The following BARD1 variants were observed in gnomAD, a reference collection of about 807,000 sequenced individuals.
BARD1 encodes BRCA1-associated RING domain protein 1.
Under a neutral mutation model 77.0 loss-of-function variants are expected in BARD1, and 73 were observed. That is an observed-to-expected ratio of 0.95 (90% CI 0.79 to 1.15). The LOEUF (loss-of-function observed/expected upper bound fraction) is 1.15. Among genes scored for constraint, BARD1 ranks in the 50% most tolerant of loss-of-function variants. BARD1 has a pLI of 0.00. For synonymous variants in BARD1, 384 were observed against 338.0 expected (o/e 1.14, Z -1.49); for missense variants, 993 against 938.8 (o/e 1.06, Z -0.75).
intron 3 of BARD1, among the ~76,000 whole-genome samples, chr2:214,783,245 CTA>C (rs1313504464): frequency 6.6e-6 from 1 of 152,226 alleles, no homozygotes; most frequent in East Asian, 1.9e-4. Context: ...CAGCTCAAGC[CTA>C]TGTTATTCAA....
At position 214,809,414 on chromosome 2, in the gene BARD1, A is replaced by C. The variant is rs771809792; in HGVS notation, c.156T>G (p.Arg52=). ...CCCCCAAGAAGCTCCGTCTTTACCA[A>C]CGCGAGCAGCGCAGCAGCTTCTCCA... The part of the protein sequence containing the change: ...DRLEKLLRCS[R]CTNILREPVC... Residue 52 remains arginine (R), a splice_region_variant and synonymous_variant, in exon 1 of 11, where the codon CGT becomes CGG. Transcript: ENST00000260947. 1 of 1,612,272 alleles carries C rather than the reference A, an allele frequency of 6.2e-7. No individual in the cohort carries two copies. The highest frequency in any genetic ancestry group is 8.5e-7 in the Non-Finnish European group (1 of 1,179,774).
intron 3 of BARD1, among the ~76,000 whole-genome samples, chr2:214,789,142 C>T (rs967383955): frequency 6.6e-6 from 1 of 152,038 alleles, no homozygotes; most frequent in African/African-American, 2.4e-5. Context: ...AAGATACTAC[C>T]ATTATAATTT....
chr2:214,805,558 A>G (rs993081010), intron 1 of BARD1, among the ~76,000 whole-genome samples: 4 of 152,202 alleles, frequency 2.6e-5, no homozygotes, highest in African/African-American at 7.2e-5. Flanking sequence ...CATAACAGAC[A>G]CAGCTCAAGG....
At chr2:214,758,383 A>G (rs562019681) in intron 6 of BARD1, among the ~76,000 whole-genome samples, 34 of 152,214 alleles carry the variant, frequency 2.2e-4, no homozygotes, top group Non-Finnish European at 4.1e-4. Flanking sequence ...AACTGCCATT[A>G]TATTACTGTA....
At chr2:214,797,373 G>A (rs1695808486) in intron 1 of BARD1, among the ~76,000 whole-genome samples, 1 of 152,136 alleles carries the variant, frequency 6.6e-6, no homozygotes, top group African/African-American at 2.4e-5. Context: ...CTAGAAAGTT[G>A]GAGAAAGGAA....
intron 3 of BARD1, among the ~76,000 whole-genome samples, chr2:214,786,663 G>A (rs1695290070): frequency 6.6e-6 from 1 of 151,982 alleles, no homozygotes; most frequent in Non-Finnish European, 1.5e-5. Context: ...CTACTCCAAA[G>A]TGTACCATCA....
At chr2:214,802,329 A>G (rs930003120) in intron 1 of BARD1, among the ~76,000 whole-genome samples, 4 of 152,172 alleles carry the variant, frequency 2.6e-5, no homozygotes, top group African/African-American at 9.7e-5. Flanking sequence ...TAGATGATTT[A>G]ACCCAACTGG....
In BARD1 at chr2:214,781,514, CAGAAAAAA is replaced by C; in HGVS notation, c.365-13_365-6del. The C allele has an allele frequency of 6.2e-7, 1 of 1,600,444 alleles. No homozygotes were observed. Among genetic ancestry groups the C allele is most frequent in the Non-Finnish European group, 8.5e-7 (1 of 1,172,542 alleles). ...TAGGTTTATCTTCTTTCAAATCTGACAGAAAAAAAGAAAAAGAAATCTGTTACATGAAA... is the reference window on the plus strand; with the variant it reads ...TAGGTTTATCTTCTTTCAAATCTGACAGAAAAAGAAATCTGTTACATGAAA... On this transcript the variant is annotated splice_region_variant and splice_polypyrimidine_tract_variant and intron_variant, in intron 3 of 10. Coordinates refer to ENST00000260947, the MANE Select transcript of BARD1 (RefSeq NM_000465.4).
chr2:214,766,681 A>G (rs761685839), intron 6 of BARD1, among the ~76,000 whole-genome samples: 3 of 152,224 alleles, frequency 2.0e-5, no homozygotes, highest in Non-Finnish European at 4.4e-5. Flanking sequence ...ATTTACTTGT[A>G]AACTACACAC....
chr2:214,798,772 G>GAAAAAAAAAA (rs10707828), intron 1 of BARD1, among the ~76,000 whole-genome samples: 4 of 127,496 alleles, frequency 3.1e-5, no homozygotes, highest in African/African-American at 5.8e-5. Flanking sequence ...ATTAAAAAAA[G>GAAAAAAAAAA]AAAAAAAAAA....
chr2:214,745,567 A>G (rs112751965), intron 8 of BARD1, 155 bp downstream of exon 8: 6 of 875,360 alleles, frequency 6.9e-6, no homozygotes, highest in African/African-American at 5.1e-5. Context: ...TAAGTAGTTT[A>G]TTACTGAAAA....
At chr2:214,753,765 A>T (rs1693568234) in intron 6 of BARD1, among the ~76,000 whole-genome samples, 1 of 152,134 alleles carries the variant, frequency 6.6e-6, no homozygotes, top group Non-Finnish European at 1.5e-5. Flanking sequence ...AAGCTAATGT[A>T]TTAGAATAAG....
intron 9 of BARD1, among the ~76,000 whole-genome samples, chr2:214,733,305 T>C (rs115444114): frequency 0.036 from 5,526 of 152,306 alleles, 121 homozygotes; most frequent in Middle Eastern, 0.061. Flanking sequence ...ATTAGGTATA[T>C]CTTGGCAACA....
chr2:214,800,542 A>G (rs1695970718), intron 1 of BARD1, among the ~76,000 whole-genome samples: 1 of 152,306 alleles, frequency 6.6e-6, no homozygotes, highest in East Asian at 1.9e-4. Context: ...CAACAAGAAC[A>G]TGTATCTTTA....
In BARD1 at chr2:214,730,412, A is replaced by G; in HGVS notation, c.2000T>C (p.Leu667Pro). Residue 667 changes from leucine (L) to proline (P), a missense_variant and splice_region_variant, in exon 10 of 11, where the codon CTG becomes CCG. Coordinates refer to ENST00000260947, the MANE Select transcript of BARD1 (RefSeq NM_000465.4). The stretch of plus-strand genomic sequence containing the variant: ...AAAGTTGTATTAAAAGAAAAATACC[A>G]GCTGTTCTCTGTTGAGCCTGCTTCT... ...PRRSRLNREQ[L>P]LPKLFDGCYF... is the part of the protein sequence containing the mutation. 6.2e-7 allele frequency: 1 copy of G among 1,612,208 alleles called. No homozygotes were observed. The highest frequency in any genetic ancestry group is 2.2e-5 in the East Asian group (1 of 44,828).
chr2:214,761,506 T>G (rs1693962727), intron 6 of BARD1, among the ~76,000 whole-genome samples: 1 of 152,114 alleles, frequency 6.6e-6, no homozygotes, highest in East Asian at 1.9e-4. Context: ...CAAGCATTAT[T>G]TAATATTTTT....
At chr2:214,809,386 C>T (rs1403391402) in intron 1 of BARD1, 26 bp downstream of exon 1, 5 of 1,611,594 alleles carry the variant, frequency 3.1e-6, no homozygotes, top group Admixed American at 3.3e-5. Context: ...GCCCTCGCAG[C>T]CACCCCCAAG....
At chr2:214,751,144 TA>T (rs1559393238) in intron 7 of BARD1, among the ~76,000 whole-genome samples, 19 of 45,202 alleles carry the variant, frequency 4.2e-4, no homozygotes, top group African/African-American at 8.6e-4. Flanking sequence ...TATATATATA[TA>T]TATATATTTT....
rs1553612002 is a variant in BARD1 at position 214,728,684 on chromosome 2, C to CA, written c.2325dup (p.Asp776Ter). ...TTCATCTGGTATAATATTCAGCTGT[C>CA]AAGAGGAAGCAACTCAAAGGACATC... On this transcript the variant is annotated frameshift_variant, in exon 11 of 11. Transcript: ENST00000260947. LOFTEE classifies it high-confidence loss of function. The CA allele has an allele frequency of 1.2e-6, 2 of 1,614,116 alleles. No homozygotes were observed. The highest frequency in any genetic ancestry group is 1.7e-6 in the Non-Finnish European group (2 of 1,180,012).
Sources: gnomAD v4.1 joint callset for allele counts (sites outside exome capture counted in the v4.1 genomes callset) on GRCh38, gnomAD v4.1.1 for gene constraint, MANE v1.5 for transcripts, NCBI Gene and HGNC (gene_info 2026-07-23, HGNC 2026-07-21) for gene names.